The following EML4 variants were observed in gnomAD, a reference collection of about 807,000 sequenced individuals.
The protein encoded by EML4 is EMAP like 4.
Under a neutral mutation model 129.0 loss-of-function variants are expected in EML4, and 72 were observed. That is an observed-to-expected ratio of 0.56 (90% CI 0.46 to 0.68). EML4 has a LOEUF of 0.68. Ranked by LOEUF, EML4 falls within the 30% of genes least tolerant of loss-of-function variation. EML4 has a pLI of 0.00. For missense variants in EML4, 1,363 were observed against 1,190.6 expected (o/e 1.14, Z -2.13); for synonymous variants, 532 against 405.0 (o/e 1.31, Z -3.77).
At chr2:42,202,819 G>C (rs1272056407) in intron 1 of EML4, among the ~76,000 whole-genome samples, 2 of 152,092 alleles carry the variant, frequency 1.3e-5, no homozygotes, top group Admixed American at 1.3e-4. Context: ...TTGACACTCA[G>C]CATTAACCAT....
chr2:42,263,435 T>C, intron 5 of EML4, 129 bp downstream of exon 5: 1 of 892,886 alleles, frequency 1.1e-6, no homozygotes, highest in Non-Finnish European at 1.6e-6. Context: ...TGACAGAGTC[T>C]TGCTCTGTCG....
rs574176554 is a variant in EML4 at position 42,196,460 on chromosome 2, C to G, written c.25+26824C>G. Among the ~76,000 whole-genome samples, 47 of 152,242 alleles carry G rather than the reference C, an allele frequency of 3.1e-4. 1 individual carries two copies. In the South Asian group the frequency reaches 9.8e-3, roughly 32 times the overall value. ...TAAAATTTAGACTGTCTGATAACAGCAGAATTTGAGACCATAACATGGATC... is the reference window on the plus strand; with the variant it reads ...TAAAATTTAGACTGTCTGATAACAGGAGAATTTGAGACCATAACATGGATC... On this transcript the variant is annotated intron_variant, in intron 1 of 22. Coordinates refer to ENST00000318522, the MANE Select transcript of EML4 (RefSeq NM_019063.5).
intron 1 of EML4, among the ~76,000 whole-genome samples, chr2:42,240,942 T>G (rs1380104653): frequency 1.3e-5 from 2 of 152,096 alleles, no homozygotes; most frequent in Non-Finnish European, 2.9e-5. Flanking sequence ...GTCAGGAGTT[T>G]GAGACCAGCC....
chr2:42,264,636 C>T (rs1340848355), intron 5 of EML4, 70 bp from the exon 6 acceptor site: 3 of 864,998 alleles, frequency 3.5e-6, no homozygotes, highest in Admixed American at 2.5e-5. Flanking sequence ...TTTACAGTTT[C>T]TTGAGGTGAT....
At position 42,190,224 on chromosome 2, in the gene EML4, T is replaced by C. The variant is rs140346242; in HGVS notation, c.25+20588T>C. ...TCTATATTCTCTTTTGTTGCCAGACTTTCTATTCTTTGCAACCTTAAGTCT... is the reference window on the plus strand; with the variant it reads ...TCTATATTCTCTTTTGTTGCCAGACCTTCTATTCTTTGCAACCTTAAGTCT... On this transcript the variant is annotated intron_variant, in intron 1 of 22. Coordinates refer to ENST00000318522, the MANE Select transcript of EML4 (RefSeq NM_019063.5). 9.8e-4 allele frequency among the ~76,000 whole-genome samples: 149 copies of C among 152,326 alleles called. 1 individual carries two copies. The highest frequency in any genetic ancestry group is 3.2e-3 in the African/African-American group (135 of 41,584).
chr2:42,206,892 T>G (rs2103996278), intron 1 of EML4, among the ~76,000 whole-genome samples: 1 of 152,350 alleles, frequency 6.6e-6, no homozygotes, highest in South Asian at 2.1e-4. Context: ...CATGTAATCT[T>G]GGGTGTTACC....
chr2:42,232,049 A>C (rs927975689), intron 1 of EML4, among the ~76,000 whole-genome samples: 4 of 152,180 alleles, frequency 2.6e-5, no homozygotes, highest in African/African-American at 9.6e-5. Flanking sequence ...TATATACAGT[A>C]GTACTCAAAT....
At position 42,331,118 on chromosome 2, in the gene EML4, T is replaced by C. The variant is rs931906727; in HGVS notation, c.*911T>C. 7 of 217,302 alleles carry C rather than the reference T, an allele frequency of 3.2e-5. No homozygotes were observed. Among genetic ancestry groups the C allele is most frequent in the East Asian group, 1.4e-4 (2 of 14,512 alleles). The allele number at this position is 217,302 out of a possible 1,614,324, so 13.5% of individuals were successfully genotyped here. ...TCATCATAATTTGTTCCCTCAGTAA[T>C]AGGAGAAATATAAATACAGTAAGTT... On this transcript the variant is annotated 3_prime_UTR_variant, in exon 23 of 23. Coordinates refer to ENST00000318522, the MANE Select transcript of EML4 (RefSeq NM_019063.5).
chr2:42,282,005 G>A lies in EML4; in HGVS notation c.792-818G>A, dbSNP rs550019378. Among the ~76,000 whole-genome samples the A allele has an allele frequency of 2.0e-3, 307 of 152,170 alleles. 3 individuals carry two copies. In the South Asian group the frequency reaches 0.021, roughly 10 times the overall value. On this transcript the variant is annotated intron_variant, in intron 7 of 22. Transcript: ENST00000318522. ...CATTCTGCCTACCAAACTGTTCCTT[G>A]CTATTACTTATTTATCATTTAGGTC...
chr2:42,268,175 A>AAT (rs564064634), intron 6 of EML4, among the ~76,000 whole-genome samples: 202 of 152,358 alleles, frequency 1.3e-3, no homozygotes, highest in African/African-American at 4.7e-3. Context: ...CTGCATTCGA[A>AAT]ATATTAAAGG....
chr2:42,294,795 C>G (rs1667853067), intron 11 of EML4, among the ~76,000 whole-genome samples: 3 of 151,990 alleles, frequency 2.0e-5, no homozygotes, highest in South Asian at 4.1e-4. Context: ...ATAGCAGTGT[C>G]TTTAAGAAAG....
intron 6 of EML4, among the ~76,000 whole-genome samples, chr2:42,277,130 C>T (rs932398137): frequency 6.6e-6 from 1 of 152,140 alleles, no homozygotes; most frequent in African/African-American, 2.4e-5. Context: ...GTGATAGAAG[C>T]ATCTATTAAA....
chr2:42,190,193 G>T (rs1316827562), intron 1 of EML4, among the ~76,000 whole-genome samples: 3 of 152,190 alleles, frequency 2.0e-5, no homozygotes, highest in African/African-American at 7.2e-5. Flanking sequence ...GAGTGTGTAT[G>T]TGTTATCTAT....
chr2:42,179,637 C>G (rs959079393), intron 1 of EML4, among the ~76,000 whole-genome samples: 2 of 152,154 alleles, frequency 1.3e-5, no homozygotes, highest in Non-Finnish European at 2.9e-5. Flanking sequence ...GGGTCTCGCT[C>G]TGTCGCCCAG....
At chr2:42,209,441 T>G (rs1453203059) in intron 1 of EML4, among the ~76,000 whole-genome samples, 1 of 152,184 alleles carries the variant, frequency 6.6e-6, no homozygotes, top group African/African-American at 2.4e-5. Flanking sequence ...ATATTCTTCT[T>G]TCCATTTTAT....
intron 1 of EML4, among the ~76,000 whole-genome samples, chr2:42,212,570 T>A (rs1384471031): frequency 2.0e-5 from 3 of 152,216 alleles, no homozygotes; most frequent in African/African-American, 7.2e-5. Flanking sequence ...CCTCAGCTAG[T>A]CCCTGCTAAA....
intron 2 of EML4, among the ~76,000 whole-genome samples, chr2:42,255,940 T>A (rs370477790): frequency 2.0e-5 from 3 of 152,222 alleles, no homozygotes; most frequent in East Asian, 3.8e-4. Flanking sequence ...TGACTCTTAG[T>A]ATAGATAGGA....
chr2:42,198,041 G>C (rs1671998552), intron 1 of EML4, among the ~76,000 whole-genome samples: 1 of 152,112 alleles, frequency 6.6e-6, no homozygotes, highest in African/African-American at 2.4e-5. Flanking sequence ...TTGTAAAGTG[G>C]TACTAATACA....
intron 1 of EML4, among the ~76,000 whole-genome samples, chr2:42,200,325 A>T (rs1672151357): frequency 6.6e-6 from 1 of 152,104 alleles, no homozygotes; most frequent in Non-Finnish European, 1.5e-5. Flanking sequence ...ACTACGCCTC[A>T]AAAAAAGAGG....
Sources: gnomAD v4.1 joint callset for allele counts (sites outside exome capture counted in the v4.1 genomes callset) on GRCh38, gnomAD v4.1.1 for gene constraint, MANE v1.5 for transcripts, NCBI Gene and HGNC (gene_info 2026-07-23, HGNC 2026-07-21) for gene names.